CFAP20DC: variants seen among roughly 807,000 people sequenced by gnomAD.
CFAP20DC encodes the protein protein CFAP20DC.
CFAP20DC carries 84 observed loss-of-function variants against 101.7 expected under a neutral mutation model. The observed-to-expected ratio is 0.83, with a 90% CI of 0.69 to 0.99. The LOEUF (loss-of-function observed/expected upper bound fraction) is 0.99. Among genes scored for constraint, CFAP20DC ranks in the 50% least tolerant of loss-of-function variants. The pLI, the probability that CFAP20DC is intolerant of heterozygous loss-of-function variation, is 0.00. For synonymous variants in CFAP20DC, 359 were observed against 351.2 expected (o/e 1.02, Z -0.25); for missense variants, 1,007 against 970.3 (o/e 1.04, Z -0.50).
At position 58,729,222 on chromosome 3, in the gene CFAP20DC, G is replaced by T. The variant is rs61065839; in HGVS notation, c.198-11594C>A. On this transcript the variant is annotated intron_variant, in intron 3 of 3. Coordinates refer to the CFAP20DC transcript ENST00000486145. This position sits in a 1 kb window ranked among gnomAD's most constrained non-coding sequence, Gnocchi z 4.4. ...AAGTTTTAGGGTAATGTGTTATGCA[G>T]CAATAGACAACTAATATAATATTTT... Among the ~76,000 whole-genome samples the T allele has an allele frequency of 0.084, 12,733 of 152,166 alleles. 908 individuals carry two copies. The highest frequency in any genetic ancestry group is 0.35 in the East Asian group (1,831 of 5,166).
intron 6 of CFAP20DC, among the ~76,000 whole-genome samples, chr3:58,900,940 A>G (rs986421965): frequency 3.9e-5 from 6 of 152,246 alleles, no homozygotes; most frequent in African/African-American, 1.4e-4. Context: ...TTTATGTATT[A>G]AAAATCATCA....
At chr3:58,865,099 A>C (rs1424368243) in intron 11 of CFAP20DC, among the ~76,000 whole-genome samples, 1 of 151,310 alleles carries the variant, frequency 6.6e-6, no homozygotes, top group Admixed American at 6.6e-5. Flanking sequence ...TTTTTTTTTA[A>C]ATTTGCTTTT....
downstream of CFAP20DC, among the ~76,000 whole-genome samples, chr3:58,741,425 G>A (rs527848608): frequency 1.3e-5 from 2 of 152,152 alleles, no homozygotes; most frequent in South Asian, 4.2e-4. Context: ...TGGCAGTGGG[G>A]GGATTTCAAA....
rs191906404 is a variant in CFAP20DC at position 58,921,970 on chromosome 3, C to T, written c.394-8106G>A. On this transcript the variant is annotated intron_variant, in intron 5 of 16. Coordinates refer to ENST00000482387, the MANE Select transcript of CFAP20DC (RefSeq NM_001394063.1). ...AAACATCTCTCATTACATAATATTC[C>T]TTGTCCTGAAGTCTAATTTGTCTGC... Among the ~76,000 whole-genome samples, 379 of 152,274 alleles carry T rather than the reference C, an allele frequency of 2.5e-3. 3 individuals are homozygous for T. Among genetic ancestry groups the T allele is most frequent in the Non-Finnish European group, 1.2e-3 (82 of 68,016 alleles).
At chr3:58,857,327 C>A (rs2078917568) in intron 12 of CFAP20DC, among the ~76,000 whole-genome samples, 1 of 152,262 alleles carries the variant, frequency 6.6e-6, no homozygotes, top group East Asian at 1.9e-4. Context: ...GGTCAGAGTA[C>A]AGCCTTTTCT....
intron 3 of CFAP20DC, among the ~76,000 whole-genome samples, chr3:58,734,214 C>T (rs1261151726): frequency 3.9e-5 from 6 of 152,230 alleles, no homozygotes; most frequent in African/African-American, 1.4e-4. Context: ...TTCATGAGGC[C>T]TCTCAGCCAT....
intron 15 of CFAP20DC, among the ~76,000 whole-genome samples, chr3:58,790,070 A>G (rs902189711): frequency 4.6e-5 from 7 of 152,190 alleles, no homozygotes; most frequent in African/African-American, 1.7e-4. Context: ...TAATGTAAAC[A>G]GAGAAAAATG....
At chr3:58,739,132 A>T (rs1419194399), downstream of CFAP20DC, among the ~76,000 whole-genome samples, 1 of 152,210 alleles carries the variant, frequency 6.6e-6, no homozygotes, top group Non-Finnish European at 1.5e-5. Context: ...TTATGAATAT[A>T]TCAGTATTTT....
chr3:58,949,714 A>G (rs1298224344), intron 4 of CFAP20DC, among the ~76,000 whole-genome samples: 1 of 152,214 alleles, frequency 6.6e-6, no homozygotes, highest in African/African-American at 2.4e-5. Context: ...ACAAAATTCA[A>G]AAACCCTTCA....
intron 4 of CFAP20DC, among the ~76,000 whole-genome samples, chr3:58,945,842 G>A (rs528722495): frequency 4.0e-5 from 6 of 150,706 alleles, no homozygotes; most frequent in East Asian, 2.0e-4. Flanking sequence ...GACTACAGGC[G>A]CACACCACCA....
intron 15 of CFAP20DC, among the ~76,000 whole-genome samples, chr3:58,775,888 G>GGCAT (rs2071294488): frequency 1.3e-5 from 2 of 151,882 alleles, no homozygotes; most frequent in South Asian, 4.2e-4. Context: ...TGGGATTACA[G>GGCAT]GCATGCACCA....
chr3:58,726,887 T>C (rs908140514), intron 3 of CFAP20DC: 35 of 240,796 alleles, frequency 1.5e-4, no homozygotes, highest in Non-Finnish European at 4.1e-5. Context: ...GAATGACCCA[T>C]TACTTCCACT....
At chr3:58,737,302 T>TCA (rs2067779313), downstream of CFAP20DC, 3 of 453,600 alleles carry the variant, frequency 6.6e-6, no homozygotes, top group Non-Finnish European at 1.3e-5. The surrounding 1 kb of genome is among the most constrained non-coding windows in gnomAD (Gnocchi z 4.1). Flanking sequence ...ACCAAATCTC[T>TCA]CTCACACACA....
chr3:58,999,843 TAAAAAAA>T (rs565894929), intron 4 of CFAP20DC, among the ~76,000 whole-genome samples: 1 of 76,762 alleles, frequency 1.3e-5, no homozygotes, highest in Non-Finnish European at 2.8e-5. Context: ...GTCACTAATG[TAAAAAAA>T]AAAAAAAAAA....
At chr3:58,802,915 A>G (rs2073813573) in intron 15 of CFAP20DC, among the ~76,000 whole-genome samples, 1 of 151,952 alleles carries the variant, frequency 6.6e-6, no homozygotes, top group Non-Finnish European at 1.5e-5. Context: ...CCAGAATAAA[A>G]TGTGCATGAG....
intron 14 of CFAP20DC, among the ~76,000 whole-genome samples, chr3:58,808,385 C>A (rs1228679609): frequency 6.6e-6 from 1 of 152,202 alleles, no homozygotes; most frequent in Non-Finnish European, 1.5e-5. Context: ...ATTCTACAAG[C>A]CAGAAAAGAG....
intron 15 of CFAP20DC, among the ~76,000 whole-genome samples, chr3:58,782,225 A>G (rs2071898002): frequency 6.6e-6 from 1 of 152,104 alleles, no homozygotes; most frequent in Non-Finnish European, 1.5e-5. Flanking sequence ...AGCATTTGAC[A>G]AAATTCAACA....
At chr3:58,764,977 G>A (rs549645194) in intron 15 of CFAP20DC, among the ~76,000 whole-genome samples, 1 of 152,290 alleles carries the variant, frequency 6.6e-6, no homozygotes, top group Admixed American at 6.5e-5. Context: ...TTGAACAGAT[G>A]AAGAATAAAT....
intron 4 of CFAP20DC, among the ~76,000 whole-genome samples, chr3:58,965,161 C>G (rs977517774): frequency 4.6e-5 from 7 of 152,134 alleles, no homozygotes; most frequent in African/African-American, 1.7e-4. Flanking sequence ...ATGAGCTGAG[C>G]TGCTATTTTA....
Sources: gnomAD v4.1 joint callset for allele counts (sites outside exome capture counted in the v4.1 genomes callset) on GRCh38, gnomAD v4.1.1 for gene constraint, Gnocchi (gnomAD v3.1) non-coding constraint, MANE v1.5 for transcripts, NCBI Gene and HGNC (gene_info 2026-07-23, HGNC 2026-07-21) for gene names.